CAPZB: variants seen among roughly 807,000 people sequenced by gnomAD.
CAPZB encodes capping actin protein of muscle Z-line subunit beta, also known as F-actin-capping protein subunit beta.
CAPZB carries 2 observed loss-of-function variants against 38.1 expected under a neutral mutation model. The ratio of observed to expected loss-of-function variants is 0.05; its 90% confidence interval spans 0.02 to 0.17. The LOEUF is 0.17. Ranked by LOEUF, CAPZB falls within the 10% of genes least tolerant of loss-of-function variation. CAPZB has a pLI of 1.00. For missense variants in CAPZB, 161 were observed against 334.2 expected (o/e 0.48, Z 4.04); for synonymous variants, 107 against 127.4 (o/e 0.84, Z 1.08).
At chr1:19,344,874 G>A (rs2093952155) in intron 7 of CAPZB, among the ~76,000 whole-genome samples, 2 of 152,214 alleles carry the variant, frequency 1.3e-5, no homozygotes, top group African/African-American at 4.8e-5. Context: ...TCCTCTCCCA[G>A]CGCAGGGCCC....
At chr1:19,450,551 T>C (rs966576123) in intron 1 of CAPZB, among the ~76,000 whole-genome samples, 8 of 152,178 alleles carry the variant, frequency 5.3e-5, no homozygotes, top group South Asian at 2.1e-4. Context: ...GCTTATGTTA[T>C]TAATCCTACT....
At chr1:19,403,208 T>C (rs1334687914) in intron 2 of CAPZB, among the ~76,000 whole-genome samples, 2 of 152,176 alleles carry the variant, frequency 1.3e-5, no homozygotes, top group East Asian at 3.8e-4. Flanking sequence ...GGGGCTCAAG[T>C]AGGCATGCAC....
At chr1:19,449,657 T>C (rs1191037990) in intron 1 of CAPZB, among the ~76,000 whole-genome samples, 1 of 151,642 alleles carries the variant, frequency 6.6e-6, no homozygotes, top group East Asian at 1.9e-4. Flanking sequence ...GCGTGGTGCG[T>C]GCCTACAGTC....
At chr1:19,481,846 C>G (rs934864108) in intron 1 of CAPZB, among the ~76,000 whole-genome samples, 4 of 152,228 alleles carry the variant, frequency 2.6e-5, no homozygotes, top group South Asian at 4.1e-4. Flanking sequence ...GAACAAGGCT[C>G]TTTCCCCCTT....
At chr1:19,418,001 T>C (rs372118340) in intron 2 of CAPZB, among the ~76,000 whole-genome samples, 3 of 151,204 alleles carry the variant, frequency 2.0e-5, no homozygotes, top group African/African-American at 7.3e-5. Flanking sequence ...CTGGGCACGG[T>C]CGTGGGCGCC....
intron 2 of CAPZB, among the ~76,000 whole-genome samples, chr1:19,418,067 C>T (rs374526202): frequency 1.1e-3 from 134 of 124,082 alleles, no homozygotes; most frequent in African/African-American, 3.7e-3. Flanking sequence ...ACCGGGGAGG[C>T]GGAGATTGCA....
At chr1:19,353,577 C>G (rs929115598) in intron 6 of CAPZB, among the ~76,000 whole-genome samples, 2 of 152,178 alleles carry the variant, frequency 1.3e-5, no homozygotes, top group African/African-American at 4.8e-5. Context: ...CCCAGGGCTG[C>G]CTGATCCAGG....
At position 19,400,374 on chromosome 1, in the gene CAPZB, G is replaced by C. The variant is rs559324294; in HGVS notation, c.94-14748C>G. Among the ~76,000 whole-genome samples, 6 of 152,268 alleles carry C rather than the reference G, an allele frequency of 3.9e-5. No homozygotes were observed. The East Asian group carries it at 1.2e-3, about 29-fold the overall frequency. On this transcript the variant is annotated intron_variant, in intron 2 of 8. Coordinates refer to ENST00000264202, the MANE Select transcript of CAPZB (RefSeq NM_004930.5). Reference sequence around the variant, plus strand: ...TCTGGGCTTCCCGGCCCACATTCCTGGCCTATTTCAAACATCAGGGAAGCA... The same window carrying C: ...TCTGGGCTTCCCGGCCCACATTCCTCGCCTATTTCAAACATCAGGGAAGCA...
At chr1:19,435,101 G>A (rs148271529) in intron 1 of CAPZB, among the ~76,000 whole-genome samples, 1 of 151,170 alleles carries the variant, frequency 6.6e-6, no homozygotes, top group African/African-American at 2.4e-5. Context: ...GGGTAGCCCC[G>A]GAACATGGGG....
At chr1:19,464,201 A>C (rs1283552252) in intron 1 of CAPZB, among the ~76,000 whole-genome samples, 2 of 151,758 alleles carry the variant, frequency 1.3e-5, no homozygotes, top group East Asian at 3.9e-4. Context: ...GGGAAGAAAG[A>C]AAAGAGAAAA....
At chr1:19,428,121 G>A (rs1292761604) in intron 1 of CAPZB, among the ~76,000 whole-genome samples, 1 of 152,170 alleles carries the variant, frequency 6.6e-6, no homozygotes, top group African/African-American at 2.4e-5. Context: ...ACCATTTTAG[G>A]GCTGGACATA....
intron 1 of CAPZB, among the ~76,000 whole-genome samples, chr1:19,423,193 G>A (rs1008425024): frequency 6.6e-6 from 1 of 152,206 alleles, no homozygotes; most frequent in Non-Finnish European, 1.5e-5. Context: ...GGTTAAGGAT[G>A]TTTAACTATC....
At chr1:19,341,844 T>C (rs1370381513) in intron 8 of CAPZB, among the ~76,000 whole-genome samples, 5 of 152,006 alleles carry the variant, frequency 3.3e-5, no homozygotes, top group African/African-American at 1.2e-4. Context: ...CTCCACCTGG[T>C]TTTCTAAGTG....
chr1:19,412,973 C>A (rs1422465843), intron 2 of CAPZB, among the ~76,000 whole-genome samples: 1 of 152,188 alleles, frequency 6.6e-6, no homozygotes, highest in African/African-American at 2.4e-5. Flanking sequence ...CTCCATAGAG[C>A]GAGGCTTTTC....
At chr1:19,406,762 C>T (rs769062729) in intron 2 of CAPZB, among the ~76,000 whole-genome samples, 4 of 152,172 alleles carry the variant, frequency 2.6e-5, no homozygotes, top group African/African-American at 9.7e-5. Context: ...GGAACAGTAC[C>T]TGGCACACGA....
At chr1:19,372,130 A>T (rs945928783) in intron 4 of CAPZB, among the ~76,000 whole-genome samples, 6 of 152,208 alleles carry the variant, frequency 3.9e-5, no homozygotes, top group African/African-American at 1.2e-4. Flanking sequence ...GCTTTTGAAG[A>T]TTATCTCAGA....
chr1:19,484,299 G>A, intron 1 of CAPZB: 1 of 1,606,296 alleles, frequency 6.2e-7, no homozygotes, highest in East Asian at 2.2e-5. Context: ...GCCATATGCT[G>A]GATCCAGGGC....
intron 2 of CAPZB, among the ~76,000 whole-genome samples, chr1:19,405,095 T>C (rs1332906196): frequency 6.6e-6 from 1 of 152,188 alleles, no homozygotes; most frequent in African/African-American, 2.4e-5. Context: ...TCCTGAGTCA[T>C]AGCTCAGCTC....
intron 1 of CAPZB, among the ~76,000 whole-genome samples, chr1:19,455,881 T>C (rs1246286795): frequency 2.6e-5 from 4 of 152,218 alleles, no homozygotes; most frequent in African/African-American, 9.6e-5. Flanking sequence ...AGGGCCAGTT[T>C]CCTACATTTT....
Sources: allele counts gnomAD v4.1 joint callset (sites outside exome capture counted in the v4.1 genomes callset), GRCh38; gene constraint gnomAD v4.1.1; transcripts MANE v1.5; gene names NCBI Gene and HGNC (gene_info 2026-07-23, HGNC 2026-07-21).